Variants in ABHD6 observed in about 807,000 individuals in gnomAD.
The protein encoded by ABHD6 is abhydrolase domain containing 6, acylglycerol lipase.
ABHD6 carries 33 observed loss-of-function variants against 38.8 expected under a neutral mutation model. The ratio of observed to expected loss-of-function variants is 0.85; its 90% CI spans 0.64 to 1.14. The LOEUF is 1.14. Ranked by LOEUF, ABHD6 falls within the 50% of genes most tolerant of loss-of-function variation. The probability of loss-of-function intolerance (pLI) is 0.00; values close to 1 mark genes in which losing one functional copy is unlikely to be tolerated. For synonymous variants in ABHD6, 147 were observed against 161.6 expected, an observed-to-expected ratio of 0.91 and a Z score of 0.69; for missense variants, 380 against 422.6, an observed-to-expected ratio of 0.90 and a Z score of 0.88.
At chr3:58,252,877 A>T (rs1431453334) in intron 2 of ABHD6, among the ~76,000 whole-genome samples, 2 of 152,234 alleles carry the variant, frequency 1.3e-5, no homozygotes, top group African/African-American at 2.4e-5. Flanking sequence ...CTGAAGCAAG[A>T]CCTTTGTAAA....
rs150381504 is a variant in ABHD6 at position 58,256,626 on chromosome 3, G to A, written c.40G>A (p.Gly14Ser). Reference protein sequence around the residue: ...DVVNMFVIAGGTLAIPILAFV... With the variant: ...DVVNMFVIAGSTLAIPILAFV... ...GGTTAACATGTTTGTGATTGCGGGCGGCACGCTGGCCATCCCAATCCTGGC... is the reference window on the plus strand; with the variant it reads ...GGTTAACATGTTTGTGATTGCGGGCAGCACGCTGGCCATCCCAATCCTGGC... Residue 14 changes from glycine (G) to serine (S), a missense_variant, in exon 3 of 10, where the codon GGC (glycine) becomes AGC (serine). Transcript: ENST00000478253. This position sits in a 1 kb window ranked among gnomAD's most constrained non-coding sequence, Gnocchi z 4.3. The A allele has an allele frequency of 1.2e-5, 20 of 1,614,002 alleles. No individual in the cohort carries two copies. The East Asian group carries it at 2.9e-4, about 23-fold the overall frequency.
chr3:58,275,307 A>G (rs1158153570), intron 7 of ABHD6, among the ~76,000 whole-genome samples: 1 of 151,576 alleles, frequency 6.6e-6, no homozygotes, highest in East Asian at 1.9e-4. Context: ...TGAAAAAAAA[A>G]AAATCTCAGG....
chr3:58,252,229 GTT>G (rs10671892), intron 2 of ABHD6, among the ~76,000 whole-genome samples: 55 of 80,954 alleles, frequency 6.8e-4, no homozygotes, highest in African/African-American at 2.8e-3. Context: ...TTGACTGCTT[GTT>G]TTTTTTTTTT....
chr3:58,267,196 C>T lies in ABHD6; in HGVS notation c.127C>T (p.Arg43Trp), dbSNP rs755459441. ...ALIRIYYWYWRRTLGMQVRYV... is the reference protein window; with the variant it reads ...ALIRIYYWYWWRTLGMQVRYV... ...ATTTCTCACCCCTTCCAGGTACTGG[C>T]GGAGGACATTGGGCATGCAAGTCCG... The change falls in exon 4 of 10, where the codon CGG becomes TGG. Residue 43 changes from arginine (R) to tryptophan (W), a missense_variant. Transcript: ENST00000478253. The surrounding 1 kb of genome is among the most constrained non-coding windows in gnomAD (Gnocchi z 4.3). 1.1e-5 allele frequency: 17 copies of T among 1,613,844 alleles called. No homozygotes were observed. Among genetic ancestry groups the T allele is most frequent in the Admixed American group, 8.3e-5 (5 of 59,962 alleles).
intron 6 of ABHD6, among the ~76,000 whole-genome samples, chr3:58,271,487 C>T (rs191549153): frequency 6.6e-6 from 1 of 152,168 alleles, no homozygotes; most frequent in African/African-American, 2.4e-5. Flanking sequence ...CTTGCAGTAG[C>T]CCTGTGAGGT....
At chr3:58,289,049 G>T (rs77288778) in intron 9 of ABHD6, among the ~76,000 whole-genome samples, 3,576 of 151,888 alleles carry the variant, frequency 0.024, 157 homozygotes, top group African/African-American at 0.082. Context: ...TGTTGGGCAG[G>T]GGGGTTGTTT....
chr3:58,246,489 C>T (rs547022873), intron 1 of ABHD6, among the ~76,000 whole-genome samples: 1 of 152,218 alleles, frequency 6.6e-6, no homozygotes, highest in Non-Finnish European at 1.5e-5. Context: ...TCAGGTAGCA[C>T]GGCTTTCTGG....
intron 7 of ABHD6, among the ~76,000 whole-genome samples, chr3:58,280,216 C>T (rs1474511156): frequency 6.6e-6 from 1 of 152,160 alleles, no homozygotes; most frequent in African/African-American, 2.4e-5. Flanking sequence ...CCCATCATTT[C>T]CAGGTACATC....
Position 58,256,804 on chromosome 3 carries a change from A to T in ABHD6, c.119+99A>T, listed in dbSNP as rs1233537325. 5 of 1,014,834 alleles carry T rather than the reference A, an allele frequency of 4.9e-6. No individual in the cohort carries two copies. Among genetic ancestry groups the T allele is most frequent in the Non-Finnish European group, 7.4e-6 (5 of 672,644 alleles). The allele number at this position is 1,014,834 out of a possible 1,614,324, so 62.9% of individuals were successfully genotyped here. Reference sequence around the variant, plus strand: ...GTTATTGTCCAACATTTTATCAGGAAGTATTTCAGACAGAGAGAAAAGTTG... The same window carrying T: ...GTTATTGTCCAACATTTTATCAGGATGTATTTCAGACAGAGAGAAAAGTTG... On this transcript the variant is annotated intron_variant, in intron 3 of 9. Coordinates refer to ENST00000478253, the MANE Select transcript of ABHD6 (RefSeq NM_001320126.2). The surrounding 1 kb of genome is among the most constrained non-coding windows in gnomAD (Gnocchi z 4.3).
intron 1 of ABHD6, among the ~76,000 whole-genome samples, chr3:58,248,527 C>A (rs149594349): frequency 1.3e-5 from 2 of 152,062 alleles, no homozygotes; most frequent in African/African-American, 2.4e-5. Context: ...GGAGAAACCC[C>A]GTCTCTACTA....
At chr3:58,288,133 G>T (rs2107477563) in intron 9 of ABHD6, among the ~76,000 whole-genome samples, 1 of 152,292 alleles carries the variant, frequency 6.6e-6, no homozygotes, top group Middle Eastern at 3.4e-3. Flanking sequence ...CTGGGACAGA[G>T]GCCAAATAGC....
rs527522701 is a variant in ABHD6, at chr3:58,256,505, C to G, written c.-25-57C>G. On this transcript the variant is annotated intron_variant, in intron 2 of 9. Transcript: ENST00000478253. The surrounding 1 kb of genome is among the most constrained non-coding windows in gnomAD (Gnocchi z 4.3). ...ACTTTTCTTGTCCCCTTTACTTCTTCGCCTTTTTTCCTTTGATACAGAGTT... is the reference window on the plus strand; with the variant it reads ...ACTTTTCTTGTCCCCTTTACTTCTTGGCCTTTTTTCCTTTGATACAGAGTT... The G allele has an allele frequency of 6.8e-6, 7 of 1,033,412 alleles. No individual in the cohort carries two copies. Among genetic ancestry groups the G allele is most frequent in the Non-Finnish European group, 1.0e-5 (7 of 688,710 alleles). The allele number at this position is 1,033,412 out of a possible 1,614,324, so 64.0% of individuals were successfully genotyped here.
rs1236308735 is a variant in ABHD6 at position 58,257,726 on chromosome 3, C to T, written c.119+1021C>T. ...TGCAGCGATGTCACTGAAAAATGAA[C>T]AAGAAAGACCAGAACCATTGAGATG... On this transcript the variant is annotated intron_variant, in intron 3 of 9. Transcript: ENST00000478253. This position sits in a 1 kb window ranked among gnomAD's most constrained non-coding sequence, Gnocchi z 4.8. 6.6e-6 allele frequency among the ~76,000 whole-genome samples: 1 copy of T among 152,056 alleles called. No individual in the cohort carries two copies. Among genetic ancestry groups the T allele is most frequent in the Non-Finnish European group, 1.5e-5 (1 of 68,016 alleles).
intron 9 of ABHD6, among the ~76,000 whole-genome samples, chr3:58,291,343 G>T (rs1427780533): frequency 6.6e-6 from 1 of 152,016 alleles, no homozygotes; most frequent in Non-Finnish European, 1.5e-5. Flanking sequence ...GTCCAGCTTC[G>T]GCTCGGCATC....
chr3:58,277,073 C>T (rs2097449267), intron 7 of ABHD6, among the ~76,000 whole-genome samples: 1 of 152,132 alleles, frequency 6.6e-6, no homozygotes, highest in South Asian at 2.1e-4. Flanking sequence ...GTTCTTTTTG[C>T]TTAGAATTGT....
At chr3:58,289,753 C>T (rs934664791) in intron 9 of ABHD6, among the ~76,000 whole-genome samples, 3 of 152,330 alleles carry the variant, frequency 2.0e-5, no homozygotes, top group East Asian at 1.9e-4. Context: ...CTGTTGGGCA[C>T]ACCTCCCAGA....
At chr3:58,281,916 G>A (rs1393226914) in intron 7 of ABHD6, among the ~76,000 whole-genome samples, 1 of 152,148 alleles carries the variant, frequency 6.6e-6, no homozygotes, top group Non-Finnish European at 1.5e-5. Context: ...AGGAGTTCAA[G>A]ACCAGCCTGG....
chr3:58,283,429 T>A (rs1242900299), intron 7 of ABHD6, among the ~76,000 whole-genome samples: 1 of 152,224 alleles, frequency 6.6e-6, no homozygotes, highest in Non-Finnish European at 1.5e-5. Flanking sequence ...CACGTCTGTG[T>A]CTTCCACTAG....
Position 58,293,631 on chromosome 3 carries a change from G to A in ABHD6, c.880G>A (p.Ala294Thr). 6.2e-7 allele frequency: 1 copy of A among 1,614,160 alleles called. No individual in the cohort carries two copies. The highest frequency in any genetic ancestry group is 1.1e-5 in the South Asian group (1 of 91,088). Residue 294 changes from alanine to threonine, a missense_variant, in exon 10 of 10, where the codon GCC (alanine) becomes ACC (threonine). Physicochemically the swap from Ala to Thr is moderately conservative, Grantham distance 58. Coordinates refer to ENST00000478253, the MANE Select transcript of ABHD6 (RefSeq NM_001320126.2). The surrounding 1 kb of genome is among the most constrained non-coding windows in gnomAD (Gnocchi z 4.4). ...SGADMLAKSI[A>T]NCQVELLENC... ...GGCAGACATGTTGGCCAAGTCAATT[G>A]CCAACTGCCAGGTGGAGCTTCTGGA...
Sources: allele counts gnomAD v4.1 joint callset (sites outside exome capture counted in the v4.1 genomes callset), GRCh38; gene constraint gnomAD v4.1.1; non-coding constraint Gnocchi (gnomAD v3.1); transcripts MANE v1.5; gene names NCBI Gene and HGNC (gene_info 2026-07-23, HGNC 2026-07-21).